SDHAF3: variants seen among roughly 807,000 people sequenced by gnomAD.
The protein encoded by SDHAF3 is succinate dehydrogenase complex assembly factor 3, also known as succinate dehydrogenase assembly factor 3, mitochondrial.
Under a neutral mutation model 11.5 loss-of-function variants are expected in SDHAF3, and 18 were observed. The ratio of observed to expected loss-of-function variants is 1.56; its 90% CI spans 1.08 to 2.32. SDHAF3 has a LOEUF of 2.32. Ranked by LOEUF, SDHAF3 falls within the 30% of genes most tolerant of loss-of-function variation. SDHAF3 has a pLI of 0.00. For synonymous variants in SDHAF3, 72 were observed against 59.3 expected (o/e 1.21, Z -0.99); for missense variants, 200 against 154.4 (o/e 1.30, Z -1.57).
In SDHAF3 at chr7:97,152,639, GTTTATTTA is replaced by G. The variant is rs113835139; in HGVS notation, c.175-28353_175-28346del. On this transcript the variant is annotated intron_variant, in intron 1 of 1. Transcript: ENST00000432641. ...TGCGTGACTTCTGAGCCATTATTTT[GTTTATTTA>G]TTTATTTATTTATTTATTTTGAGAT... 5.2e-4 allele frequency among the ~76,000 whole-genome samples: 79 copies of G among 151,346 alleles called. 2 individuals carry two copies. In the South Asian group the frequency reaches 0.016, roughly 30 times the overall value.
At chr7:97,152,595 G>C (rs1789241975) in intron 1 of SDHAF3, among the ~76,000 whole-genome samples, 2 of 152,104 alleles carry the variant, frequency 1.3e-5, no homozygotes, top group Non-Finnish European at 2.9e-5. Context: ...AGGAGGTTAG[G>C]AAGTTTATGG....
In SDHAF3 at chr7:97,141,016, A is replaced by T. The variant is rs1483258018; in HGVS notation, c.174+23119A>T. Among the ~76,000 whole-genome samples the T allele has an allele frequency of 2.6e-5, 4 of 152,380 alleles. No homozygotes were observed. In the East Asian group the frequency reaches 5.8e-4, roughly 22 times the overall value. Reference sequence around the variant, plus strand: ...GGAACATCCCTGAGAAAGAGAATGCATCCCTGAGGGGAGGCCTCTGAAATG... The same window carrying T: ...GGAACATCCCTGAGAAAGAGAATGCTTCCCTGAGGGGAGGCCTCTGAAATG... On this transcript the variant is annotated intron_variant, in intron 1 of 1. Transcript: ENST00000432641.
At chr7:97,135,801 C>T (rs1791756768) in intron 1 of SDHAF3, among the ~76,000 whole-genome samples, 1 of 149,934 alleles carries the variant, frequency 6.7e-6, no homozygotes, top group Non-Finnish European at 1.5e-5. Flanking sequence ...CATTCTTCTG[C>T]CTCAGCCTCC....
intron 1 of SDHAF3, among the ~76,000 whole-genome samples, chr7:97,144,937 G>T (rs1789113678): frequency 6.6e-6 from 1 of 152,144 alleles, no homozygotes; most frequent in East Asian, 1.9e-4. Flanking sequence ...CCATCCATGT[G>T]CATGGGGTGT....
intron 1 of SDHAF3, among the ~76,000 whole-genome samples, chr7:97,127,978 G>T (rs1791602740): frequency 7.2e-6 from 1 of 139,768 alleles, no homozygotes; most frequent in East Asian, 2.1e-4. Context: ...TCGGCTCACT[G>T]CAACCTCCTT....
intron 1 of SDHAF3, among the ~76,000 whole-genome samples, chr7:97,147,198 A>G (rs188287726): frequency 1.1e-4 from 17 of 152,272 alleles, no homozygotes; most frequent in African/African-American, 4.1e-4. Flanking sequence ...ATTTTCTTCT[A>G]TTTGGGTATG....
chr7:97,129,848 A>T (rs972771519), intron 1 of SDHAF3, among the ~76,000 whole-genome samples: 1 of 151,926 alleles, frequency 6.6e-6, no homozygotes, highest in African/African-American at 2.4e-5. Context: ...GCAGCAAAGG[A>T]TATGTGAGCA....
At chr7:97,129,801 T>C (rs1791638082) in intron 1 of SDHAF3, among the ~76,000 whole-genome samples, 1 of 152,120 alleles carries the variant, frequency 6.6e-6, no homozygotes, top group South Asian at 2.1e-4. Flanking sequence ...GCTACCAGCC[T>C]GGATCCCATG....
chr7:97,171,891 G>T (rs1234482303), intron 1 of SDHAF3, among the ~76,000 whole-genome samples: 1 of 151,880 alleles, frequency 6.6e-6, no homozygotes, highest in Non-Finnish European at 1.5e-5. Flanking sequence ...CTTTTTTAAA[G>T]CTTGTGTTCA....
intron 1 of SDHAF3, among the ~76,000 whole-genome samples, chr7:97,140,019 C>G (rs1789004507): frequency 6.6e-6 from 1 of 152,160 alleles, no homozygotes. Context: ...CCATTGACCT[C>G]TCTTTAACGT....
intron 1 of SDHAF3, among the ~76,000 whole-genome samples, chr7:97,151,572 C>T (rs1181218224): frequency 2.0e-5 from 3 of 150,640 alleles, no homozygotes; most frequent in Non-Finnish European, 4.4e-5. Context: ...AATCTCCGCT[C>T]ACTGCAAGCT....
chr7:97,148,708 G>C (rs894930623), intron 1 of SDHAF3, among the ~76,000 whole-genome samples: 9 of 151,982 alleles, frequency 5.9e-5, no homozygotes, highest in Non-Finnish European at 1.2e-4. Flanking sequence ...TAGTTCTTTT[G>C]TTAACAGTCT....
chr7:97,178,510 T>A (rs1428570098), intron 1 of SDHAF3, among the ~76,000 whole-genome samples: 2 of 152,196 alleles, frequency 1.3e-5, no homozygotes, highest in Admixed American at 1.3e-4. Flanking sequence ...GATTCTAGTT[T>A]ATTCCAACTG....
intron 1 of SDHAF3, among the ~76,000 whole-genome samples, chr7:97,179,391 T>C (rs1021581613): frequency 6.6e-6 from 1 of 152,228 alleles, no homozygotes; most frequent in African/African-American, 2.4e-5. Flanking sequence ...CATAGACTTG[T>C]AGCTTATTTG....
chr7:97,179,789 A>G (rs1789742712), intron 1 of SDHAF3, among the ~76,000 whole-genome samples: 1 of 151,956 alleles, frequency 6.6e-6, no homozygotes, highest in Non-Finnish European at 1.5e-5. Flanking sequence ...TAGAAGTGGA[A>G]TTGATAAAAC....
At chr7:97,172,241 G>A (rs769886692) in intron 1 of SDHAF3, among the ~76,000 whole-genome samples, 1 of 152,144 alleles carries the variant, frequency 6.6e-6, no homozygotes, top group Admixed American at 6.5e-5. Context: ...TTTCATGTCA[G>A]TACATGTTTG....
In SDHAF3 at chr7:97,181,118, G is replaced by T; in HGVS notation, c.281G>T (p.Arg94Leu). 6.2e-7 allele frequency: 1 copy of T among 1,613,950 alleles called. No individual in the cohort carries two copies. ...CCAGAAGAAAAACTTAATGACTTTC[G>T]TGATGAACAAATTGGACAGTTGCAG... is the stretch of plus-strand genomic sequence containing the variant. ...FLPEEKLNDF[R>L]DEQIGQLQEL... The change falls in exon 2 of 2, where the codon CGT (arginine) becomes CTT (leucine). Residue 94 changes from arginine (R) to leucine (L), a missense_variant. Arg to Leu is a moderately radical substitution (Grantham distance 102). Coordinates refer to ENST00000432641, the MANE Select transcript of SDHAF3 (RefSeq NM_020186.3).
intron 1 of SDHAF3, among the ~76,000 whole-genome samples, chr7:97,158,373 G>A (rs895173477): frequency 1.3e-5 from 2 of 152,124 alleles, no homozygotes; most frequent in East Asian, 3.9e-4. Flanking sequence ...TGTTGCCCAG[G>A]CTGGAGTGCA....
chr7:97,149,048 G>A (rs1036091386), intron 1 of SDHAF3, among the ~76,000 whole-genome samples: 3 of 151,422 alleles, frequency 2.0e-5, no homozygotes, highest in African/African-American at 7.3e-5. Context: ...TCCCACCTGC[G>A]CCTCCTGAGT....
Sources: allele counts gnomAD v4.1 joint callset (sites outside exome capture counted in the v4.1 genomes callset), GRCh38; gene constraint gnomAD v4.1.1; transcripts MANE v1.5; gene names NCBI Gene and HGNC (gene_info 2026-07-23, HGNC 2026-07-21).